The following LSAMP variants were observed in gnomAD, a reference collection of about 807,000 sequenced individuals.
The protein encoded by LSAMP is limbic system-associated membrane protein.
A neutral mutation model predicts 38.6 loss-of-function variants in LSAMP; 7 were observed. The ratio of observed to expected loss-of-function variants is 0.18; its 90% CI spans 0.10 to 0.34. The LOEUF (loss-of-function observed/expected upper bound fraction) is 0.34. Ranked by LOEUF, LSAMP falls within the 10% of genes least tolerant of loss-of-function variation. The pLI, the probability that LSAMP is intolerant of heterozygous loss-of-function variation, is 1.00. For missense variants in LSAMP, 313 were observed against 420.0 expected, an observed-to-expected ratio of 0.75 and a Z score of 2.23; for synonymous variants, 154 against 166.8, an observed-to-expected ratio of 0.92 and a Z score of 0.59.
At chr3:115,891,739 A>G (rs1936605441) in intron 3 of LSAMP, among the ~76,000 whole-genome samples, 1 of 151,962 alleles carries the variant, frequency 6.6e-6, no homozygotes, top group African/African-American at 2.4e-5. Flanking sequence ...ATTTTGCAAA[A>G]ATATGATATT....
At chr3:116,156,734 C>T (rs745398393) in intron 1 of LSAMP, among the ~76,000 whole-genome samples, 9 of 152,006 alleles carry the variant, frequency 5.9e-5, no homozygotes, top group Non-Finnish European at 1.2e-4. Flanking sequence ...TGAGATGACA[C>T]AATACCATAC....
chr3:116,436,440 A>G (rs532097708), intron 1 of LSAMP, among the ~76,000 whole-genome samples: 2 of 152,198 alleles, frequency 1.3e-5, no homozygotes, highest in Non-Finnish European at 2.9e-5. Context: ...AATCTTCACA[A>G]TCTATACATC....
chr3:116,287,507 T>G (rs2047209911), intron 1 of LSAMP, among the ~76,000 whole-genome samples: 1 of 152,188 alleles, frequency 6.6e-6, no homozygotes, highest in Non-Finnish European at 1.5e-5. Context: ...TTGTGTGTGT[T>G]AAATCTGGCT....
chr3:116,239,361 A>G (rs762441809), intron 1 of LSAMP, among the ~76,000 whole-genome samples: 1 of 152,148 alleles, frequency 6.6e-6, no homozygotes, highest in Non-Finnish European at 1.5e-5. Flanking sequence ...TTATAATTTC[A>G]GTTCCAAAAA....
At chr3:116,317,408 C>T (rs894886826) in intron 1 of LSAMP, among the ~76,000 whole-genome samples, 34 of 149,822 alleles carry the variant, frequency 2.3e-4, no homozygotes, top group African/African-American at 4.9e-4. Context: ...CAGGCTGGAG[C>T]GCAGTGGCGC....
At chr3:115,964,995 T>C (rs1221768243) in intron 3 of LSAMP, among the ~76,000 whole-genome samples, 1 of 152,112 alleles carries the variant, frequency 6.6e-6, no homozygotes, top group Non-Finnish European at 1.5e-5. Context: ...GTGTGACCTT[T>C]TAAATTACTG....
intron 2 of LSAMP, among the ~76,000 whole-genome samples, chr3:116,043,103 T>G (rs1576328079): frequency 6.6e-6 from 1 of 152,196 alleles, no homozygotes; most frequent in Non-Finnish European, 1.5e-5. Flanking sequence ...ACGAGTAGTA[T>G]TCACTCATTT....
At chr3:116,209,228 A>G (rs1334907232) in intron 1 of LSAMP, among the ~76,000 whole-genome samples, 2 of 152,110 alleles carry the variant, frequency 1.3e-5, no homozygotes, top group African/African-American at 4.8e-5. Context: ...TGCACTTCCC[A>G]AGTGAGGCAA....
intron 2 of LSAMP, among the ~76,000 whole-genome samples, chr3:116,053,110 G>A (rs930325644): frequency 2.0e-5 from 3 of 152,116 alleles, no homozygotes; most frequent in South Asian, 4.1e-4. Context: ...ATGGAAATAT[G>A]GATCTCAACA....
chr3:116,263,454 C>A (rs2046853673), intron 1 of LSAMP, among the ~76,000 whole-genome samples: 1 of 151,610 alleles, frequency 6.6e-6, no homozygotes, highest in African/African-American at 2.4e-5. Context: ...ACGAGAATGG[C>A]TTGAACTTGC....
chr3:115,875,661 G>C (rs767659779), intron 3 of LSAMP, among the ~76,000 whole-genome samples: 6 of 152,000 alleles, frequency 3.9e-5, no homozygotes, highest in Non-Finnish European at 2.9e-5. Flanking sequence ...AGCAGGCAAA[G>C]CTCGCTAGAT....
intron 1 of LSAMP, among the ~76,000 whole-genome samples, chr3:116,325,553 T>TTTCCACTGG (rs2047758989): frequency 1.3e-5 from 2 of 152,156 alleles, no homozygotes; most frequent in Non-Finnish European, 2.9e-5. Context: ...CCACTGGAGG[T>TTTCCACTGG]AGAACTTCCA....
intron 3 of LSAMP, among the ~76,000 whole-genome samples, chr3:115,971,806 T>C (rs932695601): frequency 6.6e-6 from 1 of 152,132 alleles, no homozygotes; most frequent in Non-Finnish European, 1.5e-5. Flanking sequence ...AGAGGCTCAA[T>C]AAATGAAGCT....
At chr3:115,846,321 C>T (rs923574139) in intron 4 of LSAMP, among the ~76,000 whole-genome samples, 1 of 152,088 alleles carries the variant, frequency 6.6e-6, no homozygotes, top group Admixed American at 6.6e-5. Flanking sequence ...ATTAATAGGG[C>T]CTTTCTTCTT....
rs139517990 is a variant in LSAMP at position 116,444,714 on chromosome 3, G to GAC, written c.155+161_155+162dup. Among the ~76,000 whole-genome samples, 1,218 of 147,230 alleles carry GAC rather than the reference G, an allele frequency of 8.3e-3. 28 individuals carry two copies. The highest frequency in any genetic ancestry group is 6.8e-3 in the Non-Finnish European group (454 of 66,648). On this transcript the variant is annotated intron_variant, in intron 1 of 6. Coordinates refer to ENST00000490035, the MANE Select transcript of LSAMP (RefSeq NM_002338.5). The stretch of plus-strand genomic sequence containing the variant: ...AATGCCAACCAGTCAGTAAAACAGG[G>GAC]ACACACACACACACACCACACACAC...
chr3:116,317,768 C>T (rs1011810157), intron 1 of LSAMP, among the ~76,000 whole-genome samples: 1 of 151,928 alleles, frequency 6.6e-6, no homozygotes. Flanking sequence ...TCTAAGTGAG[C>T]GATTGGATCA....
chr3:116,408,281 A>C (rs1274183775), intron 1 of LSAMP, among the ~76,000 whole-genome samples: 2 of 152,118 alleles, frequency 1.3e-5, no homozygotes, highest in Non-Finnish European at 2.9e-5. Flanking sequence ...TAGATGAGAC[A>C]TTCATCAATG....
intron 1 of LSAMP, among the ~76,000 whole-genome samples, chr3:116,303,309 A>T (rs892734953): frequency 2.0e-5 from 3 of 152,232 alleles, no homozygotes. Flanking sequence ...AAGTGAAATT[A>T]AAGATGAACA....
chr3:116,333,957 G>A (rs1168742230), intron 1 of LSAMP, among the ~76,000 whole-genome samples: 2 of 151,764 alleles, frequency 1.3e-5, no homozygotes, highest in African/African-American at 4.8e-5. Flanking sequence ...AGCAAAAAAT[G>A]TGTTCTTTGA....
Sources: allele counts gnomAD v4.1 joint callset (sites outside exome capture counted in the v4.1 genomes callset), GRCh38; gene constraint gnomAD v4.1.1; transcripts MANE v1.5; gene names NCBI Gene and HGNC (gene_info 2026-07-23, HGNC 2026-07-21).